The following ZZEF1 variants were observed in gnomAD, a reference collection of about 807,000 sequenced individuals.
The protein encoded by ZZEF1 is zinc finger ZZ-type and EF-hand domain-containing protein 1.
A neutral mutation model predicts 342.8 loss-of-function variants in ZZEF1; 157 were observed. The observed-to-expected ratio is 0.46, with a 90% CI of 0.40 to 0.52. The LOEUF is 0.52. Among genes scored for constraint, ZZEF1 ranks in the 20% least tolerant of loss-of-function variants. The pLI is 0.00. For synonymous variants in ZZEF1, 1,505 were observed against 1,429.1 expected, an observed-to-expected ratio of 1.05 and a Z score of -1.20; for missense variants, 3,480 against 3,725.6, an observed-to-expected ratio of 0.93 and a Z score of 1.72.
intron 42 of ZZEF1, among the ~76,000 whole-genome samples, chr17:4,028,627 A>G (rs1360664887): frequency 6.6e-6 from 1 of 152,214 alleles, no homozygotes; most frequent in South Asian, 2.1e-4. Flanking sequence ...ACATCAATTA[A>G]AAGACAGGGA....
intron 52 of ZZEF1, among the ~76,000 whole-genome samples, chr17:4,011,090 T>TA (rs1010213943): frequency 1.4e-5 from 2 of 147,644 alleles, no homozygotes; most frequent in African/African-American, 5.0e-5. Flanking sequence ...ACCCCACCTC[T>TA]AAAAAAAATT....
At chr17:4,077,836 A>C (rs765818871) in intron 19 of ZZEF1, 47 bp downstream of exon 19, 1 of 1,599,958 alleles carries the variant, frequency 6.3e-7, no homozygotes, top group Non-Finnish European at 8.5e-7. Context: ...ACTCAGAGTC[A>C]AAACCCAAAC....
rs368425967 is a variant in ZZEF1 at position 4,049,863 on chromosome 17, T to C, written c.5864-4A>G. On this transcript the variant is annotated splice_polypyrimidine_tract_variant and splice_region_variant and intron_variant, in intron 36 of 54. Transcript: ENST00000381638. ...AGCAAAGCTAGAGCTTTAAGGCCTA[T>C]GTGGGAAGCAAATCAGAGAATGGTT... 6.1e-5 allele frequency: 99 copies of C among 1,612,160 alleles called. No individual in the cohort carries two copies. The highest frequency in any genetic ancestry group is 3.7e-4 in the South Asian group (34 of 90,752).
At position 4,025,047 on chromosome 17, in the gene ZZEF1, A is replaced by G. The variant is rs1456122724; in HGVS notation, c.6964T>C (p.Tyr2322His). ...GCGATAAAGGCAAAGTGCTGGGAGT[A>G]CTGGCTCAGCTGGGCCCGAGAGTCA... ...CGDSRAQLSQ[Y>H]SQHFAFIASH... Residue 2322 changes from tyrosine (Y) to histidine (H), a missense_variant, in exon 43 of 55, where the codon TAC becomes CAC. Coordinates refer to ENST00000381638, the MANE Select transcript of ZZEF1 (RefSeq NM_015113.4). 1 of 1,614,208 alleles carries G rather than the reference A, an allele frequency of 6.2e-7. No homozygotes were observed. The highest frequency in any genetic ancestry group is 2.2e-5 in the East Asian group (1 of 44,890).
rs779766513 is a variant in ZZEF1, at chr17:4,006,362, G to A, written c.*528C>T. On this transcript the variant is annotated 3_prime_UTR_variant, in exon 55 of 55. Coordinates refer to ENST00000381638, the MANE Select transcript of ZZEF1 (RefSeq NM_015113.4). ...GGGAGCTAGCTCGATGCCTGGTTCT[G>A]TACTGGATGCTTGGGGATCACTGGT... 8.4e-5 allele frequency: 18 copies of A among 213,510 alleles called. No homozygotes were observed. The highest frequency in any genetic ancestry group is 1.5e-4 in the Non-Finnish European group (16 of 105,148). 13.2% of individuals were successfully genotyped at this position (213,510 alleles called of 1,614,324 possible).
intron 3 of ZZEF1, among the ~76,000 whole-genome samples, chr17:4,115,237 G>C (rs951267566): frequency 2.1e-4 from 32 of 152,112 alleles, no homozygotes; most frequent in African/African-American, 7.7e-4. Context: ...GTGTTGCCCA[G>C]GCTGGTGTCA....
chr17:4,135,996 CTTT>C (rs59632245), intron 1 of ZZEF1, among the ~76,000 whole-genome samples: 1 of 125,512 alleles, frequency 8.0e-6, no homozygotes, highest in Non-Finnish European at 1.6e-5. Context: ...GATATTTTCT[CTTT>C]TTTTTTTTTT....
chr17:4,075,432 A>G lies in ZZEF1; in HGVS notation c.3235-3T>C. Reference sequence around the variant, plus strand: ...TGTTGCCAGGTCTCAACATCCAGCTATGATAACAAATGAGCCAGGGGAAAG... The same window carrying G: ...TGTTGCCAGGTCTCAACATCCAGCTGTGATAACAAATGAGCCAGGGGAAAG... On this transcript the variant is annotated splice_region_variant and splice_polypyrimidine_tract_variant and intron_variant, in intron 21 of 54. Coordinates refer to ENST00000381638, the MANE Select transcript of ZZEF1 (RefSeq NM_015113.4). 1 of 1,613,030 alleles carries G rather than the reference A, an allele frequency of 6.2e-7. No individual in the cohort carries two copies. The highest frequency in any genetic ancestry group is 8.5e-7 in the Non-Finnish European group (1 of 1,179,404).
intron 46 of ZZEF1, among the ~76,000 whole-genome samples, chr17:4,018,282 G>T (rs1291179482): frequency 6.6e-6 from 1 of 151,478 alleles, no homozygotes; most frequent in East Asian, 1.9e-4. Flanking sequence ...AAATTTATTT[G>T]TTTTTTTTAG....
intron 8 of ZZEF1, among the ~76,000 whole-genome samples, chr17:4,102,792 TA>T (rs2058148729): frequency 1.3e-5 from 2 of 152,174 alleles, no homozygotes; most frequent in South Asian, 4.1e-4. Flanking sequence ...AAATATAAAA[TA>T]TTTTAGGTCT....
Position 4,095,924 on chromosome 17 carries a change from G to C in ZZEF1, c.1820C>G (p.Ser607Cys). ...QCGLVFAYNS[S>C]SDKFCAEEHF... ...TTCTTCCGCACAAAATTTATCTGAA[G>C]ATGAGTTATAGGCAAACACCAACCC... is the stretch of plus-strand genomic sequence containing the variant. The change falls in exon 11 of 55, where the codon TCT becomes TGT. Residue 607 changes from serine to cysteine, a missense_variant. This residue lies in a region of ZZEF1 where 1,528 missense variants were observed against 1,624.1 expected (regional missense o/e 0.94). Transcript: ENST00000381638. 1 of 1,613,810 alleles carries C rather than the reference G, an allele frequency of 6.2e-7. No homozygotes were observed. Among genetic ancestry groups the C allele is most frequent in the Non-Finnish European group, 8.5e-7 (1 of 1,179,826 alleles).
rs138554254 is a variant in ZZEF1 at position 4,030,165 on chromosome 17, T to C, written c.6892+1961A>G. On this transcript the variant is annotated intron_variant, in intron 42 of 54. Transcript: ENST00000381638. The stretch of plus-strand genomic sequence containing the variant: ...ACAGAAATAAAAGAAAAATGAATGA[T>C]ACCAAAGTTGGTCCTTTGAAAAGAT... Among the ~76,000 whole-genome samples the C allele has an allele frequency of 2.2e-3, 333 of 152,234 alleles. 1 individual carries two copies. Among genetic ancestry groups the C allele is most frequent in the Non-Finnish European group, 4.1e-3 (282 of 68,018 alleles).
chr17:4,016,199 G>T lies in ZZEF1; in HGVS notation c.8145+124C>A. ...GTTCAAGGAAGCACTTTCCTGGACA[G>T]GTCTCTGCTGTCCAGCGGGAGAGAG... On this transcript the variant is annotated intron_variant, in intron 49 of 54. Coordinates refer to ENST00000381638, the MANE Select transcript of ZZEF1 (RefSeq NM_015113.4). This position sits in a 1 kb window ranked among gnomAD's most constrained non-coding sequence, Gnocchi z 4.4. 8.4e-7 allele frequency: 1 copy of T among 1,197,008 alleles called. No homozygotes were observed. Among genetic ancestry groups the T allele is most frequent in the Non-Finnish European group, 1.2e-6 (1 of 854,114 alleles). The allele number at this position is 1,197,008 out of a possible 1,614,324, so 74.1% of individuals were successfully genotyped here.
At chr17:4,099,543 ATTTTTTT>A (rs35639314) in intron 9 of ZZEF1, among the ~76,000 whole-genome samples, 3 of 131,924 alleles carry the variant, frequency 2.3e-5, no homozygotes, top group Admixed American at 1.5e-4. Context: ...TTTGACTGTG[ATTTTTTT>A]TTTTTTTTTT....
At chr17:4,053,161 T>A (rs1459190330) in intron 34 of ZZEF1, among the ~76,000 whole-genome samples, 1 of 152,184 alleles carries the variant, frequency 6.6e-6, no homozygotes, top group African/African-American at 2.4e-5. Flanking sequence ...ATAGCTCTCA[T>A]CATGTTATTA....
intron 33 of ZZEF1, among the ~76,000 whole-genome samples, chr17:4,055,384 G>C (rs747027726): frequency 6.6e-6 from 1 of 152,242 alleles, no homozygotes; most frequent in African/African-American, 2.4e-5. Flanking sequence ...GAATGAATCT[G>C]AGGCAGCAGA....
At chr17:4,015,966 G>C (rs532017765) in intron 49 of ZZEF1, among the ~76,000 whole-genome samples, 20 of 152,314 alleles carry the variant, frequency 1.3e-4, no homozygotes, top group African/African-American at 4.8e-4. Context: ...GGTGGCAGCT[G>C]AAGAGTGAGG....
At chr17:4,028,853 G>A (rs1442840193) in intron 42 of ZZEF1, among the ~76,000 whole-genome samples, 1 of 152,222 alleles carries the variant, frequency 6.6e-6, no homozygotes, top group East Asian at 1.9e-4. Context: ...GGGGAGTCCT[G>A]GAACCAATCC....
intron 34 of ZZEF1, among the ~76,000 whole-genome samples, chr17:4,053,219 A>T (rs1407464169): frequency 6.6e-6 from 1 of 151,566 alleles, no homozygotes; most frequent in Non-Finnish European, 1.5e-5. Flanking sequence ...GACTATTCAA[A>T]CTCCTTAGCC....
Sources: allele counts gnomAD v4.1 joint callset (sites outside exome capture counted in the v4.1 genomes callset), GRCh38; gene constraint gnomAD v4.1.1; regional missense constraint gnomAD v4.1.1; non-coding constraint Gnocchi (gnomAD v3.1); transcripts MANE v1.5; gene names NCBI Gene and HGNC (gene_info 2026-07-23, HGNC 2026-07-21).